Variants in ACAP2 observed in about 807,000 individuals in gnomAD.
The protein encoded by ACAP2 is arf-GAP with coiled-coil, ANK repeat and PH domain-containing protein 2.
A neutral mutation model predicts 115.8 loss-of-function variants in ACAP2; 39 were observed. The observed-to-expected ratio is 0.34, with a 90% CI of 0.26 to 0.44. The LOEUF (loss-of-function observed/expected upper bound fraction) is 0.44. Among genes scored for constraint, ACAP2 ranks in the 20% least tolerant of loss-of-function variants. The pLI, the probability that ACAP2 is intolerant of heterozygous loss-of-function variation, is 1.00. For missense variants in ACAP2, 662 were observed against 927.6 expected (o/e 0.71, Z 3.72); for synonymous variants, 289 against 315.8 (o/e 0.92, Z 0.90).
chr3:195,352,723 TGGAGTGACTTACTTC>T (rs1731693058), intron 4 of ACAP2, among the ~76,000 whole-genome samples: 1 of 152,168 alleles, frequency 6.6e-6, no homozygotes, highest in Non-Finnish European at 1.5e-5. Flanking sequence ...GTGGGCTAGA[TGGAGTGACTTACTTC>T]TAGCAAACAG....
rs868025503 is a variant in ACAP2, at chr3:195,294,510, G to A, written c.1765+209C>T. 4.5e-4 allele frequency among the ~76,000 whole-genome samples: 68 copies of A among 150,250 alleles called. No individual in the cohort carries two copies. The Middle Eastern group carries it at 0.017, about 38-fold the overall frequency. ...GGAGAATCACTTGAAACTGGAAGGC[G>A]GAGGTTGCAGTGAGCCAAGATCGTA... On this transcript the variant is annotated intron_variant, in intron 18 of 22. Coordinates refer to ENST00000326793, the MANE Select transcript of ACAP2 (RefSeq NM_012287.6).
intron 14 of ACAP2, 36 bp downstream of exon 14, chr3:195,301,930 A>G: frequency 6.3e-7 from 1 of 1,597,000 alleles, no homozygotes; most frequent in Admixed American, 1.7e-5. Flanking sequence ...TGTTTATCCA[A>G]AAGAAGAAAT....
chr3:195,347,688 T>C (rs921106822), intron 4 of ACAP2, among the ~76,000 whole-genome samples: 7 of 152,192 alleles, frequency 4.6e-5, no homozygotes, highest in African/African-American at 1.7e-4. Context: ...TTTTTGCATT[T>C]AACTGTATTT....
At chr3:195,284,779 G>A (rs1453399100) in intron 22 of ACAP2, among the ~76,000 whole-genome samples, 1 of 152,072 alleles carries the variant, frequency 6.6e-6, no homozygotes, top group Admixed American at 6.6e-5. Context: ...ATTGCAAACT[G>A]AATATTCTCA....
chr3:195,388,417 T>C (rs919994695), intron 2 of ACAP2, among the ~76,000 whole-genome samples: 1 of 152,198 alleles, frequency 6.6e-6, no homozygotes, highest in Non-Finnish European at 1.5e-5. Context: ...GGATCAATAA[T>C]TGAACTCCGT....
chr3:195,344,813 C>T (rs1016398870), intron 5 of ACAP2, among the ~76,000 whole-genome samples: 2 of 152,178 alleles, frequency 1.3e-5, no homozygotes, highest in Admixed American at 6.5e-5. Context: ...GCCACTGCGC[C>T]CCGGCCCAAA....
At chr3:195,305,474 G>C (rs1728361350) in intron 13 of ACAP2, among the ~76,000 whole-genome samples, 1 of 152,126 alleles carries the variant, frequency 6.6e-6, no homozygotes, top group South Asian at 2.1e-4. Flanking sequence ...GATATGCATG[G>C]AATCACAAAT....
At chr3:195,330,147 C>T (rs190368129) in intron 8 of ACAP2, among the ~76,000 whole-genome samples, 2 of 152,256 alleles carry the variant, frequency 1.3e-5, no homozygotes, top group East Asian at 1.9e-4. Context: ...TCCACTTAGA[C>T]GTCTTATCCT....
intron 1 of ACAP2, among the ~76,000 whole-genome samples, chr3:195,423,158 A>G (rs536911543): frequency 6.6e-6 from 1 of 150,536 alleles, no homozygotes; most frequent in African/African-American, 2.4e-5. Context: ...AATGATTCAG[A>G]AAAAAAAAAG....
intron 1 of ACAP2, among the ~76,000 whole-genome samples, chr3:195,424,421 A>G (rs1373506436): frequency 6.7e-6 from 1 of 149,242 alleles, no homozygotes; most frequent in Non-Finnish European, 1.5e-5. Context: ...CAGCCTCCCA[A>G]GTAGCTGGGA....
chr3:195,403,209 G>A (rs1334754805), intron 1 of ACAP2, among the ~76,000 whole-genome samples: 7 of 152,186 alleles, frequency 4.6e-5, no homozygotes, highest in Admixed American at 1.3e-4. Flanking sequence ...TTCCTGGAAC[G>A]TTCAATAGCA....
At position 195,295,653 on chromosome 3, in the gene ACAP2, A is replaced by T. The variant is rs1266476655; in HGVS notation, c.1672+55T>A. The stretch of plus-strand genomic sequence containing the variant: ...ATGGCTATTAGTTCAGGGATTATAA[A>T]AGTGATTTGAGCTTAAGAAAATAGC... On this transcript the variant is annotated intron_variant, in intron 17 of 22. Transcript: ENST00000326793. The T allele has an allele frequency of 3.1e-6, 5 of 1,588,268 alleles. 1 individual carries two copies. The East Asian group carries it at 8.9e-5, about 28-fold the overall frequency.
At chr3:195,311,918 CAATAT>C (rs1412395302) in intron 10 of ACAP2, among the ~76,000 whole-genome samples, 6 of 151,590 alleles carry the variant, frequency 4.0e-5, no homozygotes, top group Admixed American at 1.3e-4. Flanking sequence ...TGAAATAACT[CAATAT>C]AATACACATT....
intron 4 of ACAP2, among the ~76,000 whole-genome samples, chr3:195,346,695 T>C (rs974997300): frequency 6.6e-6 from 1 of 152,242 alleles, no homozygotes; most frequent in Non-Finnish European, 1.5e-5. Context: ...TTAAAACTTA[T>C]GTTCACACAA....
At chr3:195,401,485 T>C (rs967018171) in intron 1 of ACAP2, among the ~76,000 whole-genome samples, 1 of 152,010 alleles carries the variant, frequency 6.6e-6, no homozygotes, top group African/African-American at 2.4e-5. Flanking sequence ...ACCAACGCAG[T>C]GAAACCCTGT....
Position 195,304,163 on chromosome 3 carries a change from C to CAA in ACAP2, c.1117-1991_1117-1990dup, listed in dbSNP as rs56055597. ...TGGGCAATGGAGTGAGACTCCATCT[C>CAA]AAAAAAAAAAAAAAAAAAAAAAAAA... is the stretch of plus-strand genomic sequence containing the variant. On this transcript the variant is annotated intron_variant, in intron 13 of 22. Transcript: ENST00000326793. 9.2e-3 allele frequency among the ~76,000 whole-genome samples: 585 copies of CAA among 63,276 alleles called. 47 individuals are homozygous for CAA. Among genetic ancestry groups the CAA allele is most frequent in the Non-Finnish European group, 0.012 (459 of 38,134 alleles). 41.5% of individuals were successfully genotyped at this position (63,276 alleles called of 152,430 possible).
intron 2 of ACAP2, among the ~76,000 whole-genome samples, chr3:195,386,964 G>C (rs1316171191): frequency 6.6e-6 from 1 of 152,126 alleles, no homozygotes; most frequent in East Asian, 1.9e-4. Flanking sequence ...AGAACCCTGG[G>C]TGATGAGGCA....
At chr3:195,333,187 C>CAT in intron 7 of ACAP2, 64 bp from the exon 8 acceptor site, 3 of 740,856 alleles carry the variant, frequency 4.0e-6, no homozygotes, top group Non-Finnish European at 6.2e-6. Flanking sequence ...TGAAATATTA[C>CAT]ATATATATAT....
At chr3:195,425,312 A>G (rs1714599858) in intron 1 of ACAP2, among the ~76,000 whole-genome samples, 1 of 152,194 alleles carries the variant, frequency 6.6e-6, no homozygotes, top group African/African-American at 2.4e-5. Context: ...ATAAGACCCC[A>G]GGTGTCATAT....
Sources: gnomAD v4.1 joint callset for allele counts (sites outside exome capture counted in the v4.1 genomes callset) on GRCh38, gnomAD v4.1.1 for gene constraint, MANE v1.5 for transcripts, NCBI Gene and HGNC (gene_info 2026-07-23, HGNC 2026-07-21) for gene names.